NTAQ1: variants seen among roughly 807,000 people sequenced by gnomAD.
The protein encoded by NTAQ1 is N-terminal glutamine amidase 1.
A neutral mutation model predicts 28.2 loss-of-function variants in NTAQ1; 21 were observed. That is an observed-to-expected ratio of 0.74 (90% CI 0.53 to 1.07). The LOEUF is 1.07. NTAQ1 is among the 50% of genes least tolerant of loss of function. The probability of loss-of-function intolerance (pLI) is 0.00; values close to 1 mark genes in which losing one functional copy is unlikely to be tolerated. For synonymous variants in NTAQ1, 105 were observed against 90.0 expected (o/e 1.17, Z -0.94); for missense variants, 264 against 256.6 (o/e 1.03, Z -0.20).
intron 4 of NTAQ1, among the ~76,000 whole-genome samples, chr8:123,436,880 C>A (rs1285545457): frequency 6.6e-6 from 1 of 151,984 alleles, no homozygotes; most frequent in Non-Finnish European, 1.5e-5. Flanking sequence ...TTCTTATATT[C>A]TTTTTGTTTT....
intron 1 of NTAQ1, 131 bp downstream of exon 1, chr8:123,417,063 G>T (rs1813342860): frequency 1.1e-6 from 1 of 894,062 alleles, no homozygotes; most frequent in South Asian, 2.1e-5. Context: ...ACAGTTTTGC[G>T]GGAGGAGGGA....
chr8:123,436,891 T>C (rs575664390), intron 4 of NTAQ1, among the ~76,000 whole-genome samples: 1 of 152,294 alleles, frequency 6.6e-6, no homozygotes, highest in African/African-American at 2.4e-5. Context: ...TTTTTGTTTT[T>C]GTGGGGATAC....
chr8:123,440,698 C>G (rs748438192), intron 5 of NTAQ1, among the ~76,000 whole-genome samples: 1 of 151,898 alleles, frequency 6.6e-6, no homozygotes, highest in Non-Finnish European at 1.5e-5. Flanking sequence ...TGGGGTTTCA[C>G]CATGTTGGCC....
chr8:123,417,073 A>G (rs1813343736), intron 1 of NTAQ1, 141 bp downstream of exon 1: 1 of 804,878 alleles, frequency 1.2e-6, no homozygotes, highest in Non-Finnish European at 1.8e-6. Context: ...GGGAGGAGGG[A>G]GCGGGAATGG....
chr8:123,453,854 T>C (rs928832477), intron 6 of NTAQ1, among the ~76,000 whole-genome samples: 6 of 152,224 alleles, frequency 3.9e-5, no homozygotes, highest in East Asian at 1.9e-4. Context: ...AAGTGACTTA[T>C]AGAAAGCCAC....
At chr8:123,448,192 A>C, downstream of NTAQ1, 1 of 152,214 alleles carries the variant, frequency 6.6e-6, no homozygotes, top group South Asian at 2.1e-4. Flanking sequence ...ATAGGAGACA[A>C]ACTTATGTAT....
intron 6 of NTAQ1, among the ~76,000 whole-genome samples, chr8:123,465,184 T>C (rs1815931771): frequency 1.3e-5 from 2 of 152,206 alleles, no homozygotes; most frequent in Non-Finnish European, 2.9e-5. Context: ...GCTTTCCCCA[T>C]TGATAATGTA....
exon 7 of NTAQ1, among the ~76,000 whole-genome samples, chr8:123,467,810 C>T (rs2130441597): frequency 6.6e-6 from 1 of 152,290 alleles, no homozygotes; most frequent in Admixed American, 6.5e-5. Context: ...AGTGCAATGG[C>T]ACGGTCTCGG....
At chr8:123,462,484 T>C (rs1815851995) in intron 6 of NTAQ1, among the ~76,000 whole-genome samples, 1 of 152,202 alleles carries the variant, frequency 6.6e-6, no homozygotes, top group Admixed American at 6.5e-5. Flanking sequence ...GCACTAGGAC[T>C]TCTAAGGCAC....
At chr8:123,442,409 C>G (rs1281894575), downstream of NTAQ1, among the ~76,000 whole-genome samples, 1 of 151,736 alleles carries the variant, frequency 6.6e-6, no homozygotes, top group Non-Finnish European at 1.5e-5. Flanking sequence ...ACCAGCTTGG[C>G]CAACGTGGTG....
intron 5 of NTAQ1, among the ~76,000 whole-genome samples, chr8:123,439,653 T>C (rs767243643): frequency 6.6e-6 from 1 of 151,246 alleles, no homozygotes; most frequent in Non-Finnish European, 1.5e-5. Context: ...CCACACCTGG[T>C]TAGTTTTTAT....
chr8:123,437,914 G>A (rs779335944), intron 5 of NTAQ1, among the ~76,000 whole-genome samples: 3 of 152,086 alleles, frequency 2.0e-5, no homozygotes, highest in Admixed American at 1.3e-4. Flanking sequence ...TAGCTACTGC[G>A]GGGACACTGA....
chr8:123,449,425 G>T (rs13276928), downstream of NTAQ1, among the ~76,000 whole-genome samples: 54,836 of 151,710 alleles, frequency 0.36, 9,979 homozygotes, highest in East Asian at 0.56. Flanking sequence ...TTATTTAAAA[G>T]AGCTGGAGGG....
exon 7 of NTAQ1, among the ~76,000 whole-genome samples, chr8:123,468,928 G>T (rs1205491286): frequency 6.6e-6 from 1 of 152,114 alleles, no homozygotes; most frequent in African/African-American, 2.4e-5. Flanking sequence ...TGGGAGTGAG[G>T]TGATATCTCC....
chr8:123,465,778 C>T (rs1389782669), intron 6 of NTAQ1, among the ~76,000 whole-genome samples: 1 of 151,768 alleles, frequency 6.6e-6, no homozygotes, highest in East Asian at 1.9e-4. Context: ...GATGGGGTTT[C>T]ACCATGTTGC....
At chr8:123,440,852 C>T (rs1180479306) in intron 5 of NTAQ1, among the ~76,000 whole-genome samples, 1 of 152,120 alleles carries the variant, frequency 6.6e-6, no homozygotes, top group Non-Finnish European at 1.5e-5. Context: ...CTGACATGAC[C>T]CTTCTGAGGA....
exon 7 of NTAQ1, among the ~76,000 whole-genome samples, chr8:123,467,933 G>A (rs1435804657): frequency 6.6e-6 from 1 of 152,162 alleles, no homozygotes; most frequent in Non-Finnish European, 1.5e-5. Flanking sequence ...ATTTTTAGTA[G>A]AGACAGGGTT....
chr8:123,452,658 T>C (rs1445288323), downstream of NTAQ1, among the ~76,000 whole-genome samples: 1 of 151,684 alleles, frequency 6.6e-6, no homozygotes, highest in Non-Finnish European at 1.5e-5. Flanking sequence ...TCCCAACACT[T>C]TGGGAGGCCT....
chr8:123,437,216 T>G lies in NTAQ1; in HGVS notation c.390T>G (p.Phe130Leu). The G allele has an allele frequency of 6.2e-7, 1 of 1,613,884 alleles. No homozygotes were observed. Reference sequence around the variant, plus strand: ...TATATTGATTTTTCTGCAGGAAATTTAGAGTGATCCGTGCAGATTCATATT... The same window carrying G: ...TATATTGATTTTTCTGCAGGAAATTGAGAGTGATCCGTGCAGATTCATATT... Reference protein sequence around the residue: ...DDIHPQFRRKFRVIRADSYLK... With the variant: ...DDIHPQFRRKLRVIRADSYLK... Residue 130 changes from phenylalanine (F) to leucine (L), a missense_variant, in exon 5 of 6, where the codon TTT becomes TTG. By Grantham distance (22) the Phe-to-Leu change is conservative. Transcript: ENST00000287387.
Sources: allele counts gnomAD v4.1 joint callset (sites outside exome capture counted in the v4.1 genomes callset), GRCh38; gene constraint gnomAD v4.1.1; transcripts MANE v1.5; gene names NCBI Gene and HGNC (gene_info 2026-07-23, HGNC 2026-07-21).